The following CNTN6 variants were observed in gnomAD, a reference collection of about 807,000 sequenced individuals.
CNTN6 encodes the protein contactin-6.
In CNTN6, 137 loss-of-function variants were observed where a neutral mutation model predicts 122.8. The observed-to-expected ratio is 1.12, with a 90% CI of 0.97 to 1.29. The LOEUF (loss-of-function observed/expected upper bound fraction) is 1.29, where lower values mean the gene tolerates loss of function less well. Among genes scored for constraint, CNTN6 ranks in the 50% most tolerant of loss-of-function variants. The probability of loss-of-function intolerance (pLI) is 0.00; values close to 1 mark genes in which losing one functional copy is unlikely to be tolerated. For missense variants in CNTN6, 1,634 were observed against 1,223.4 expected, an observed-to-expected ratio of 1.34 and a Z score of -5.01; for synonymous variants, 570 against 426.0, an observed-to-expected ratio of 1.34 and a Z score of -4.16.
intron 5 of CNTN6, among the ~76,000 whole-genome samples, chr3:1,293,901 A>T (rs1178324270): frequency 6.6e-6 from 1 of 152,206 alleles, no homozygotes; most frequent in Non-Finnish European, 1.5e-5. Context: ...GCTTTAATAC[A>T]TATGAATATT....
chr3:1,394,748 T>C (rs184468743), intron 20 of CNTN6, among the ~76,000 whole-genome samples: 3 of 152,326 alleles, frequency 2.0e-5, no homozygotes, highest in Admixed American at 2.0e-4. Context: ...TTTTTTCAGT[T>C]GACCCAATTG....
intron 7 of CNTN6, among the ~76,000 whole-genome samples, chr3:1,303,380 A>G (rs1055967451): frequency 1.3e-5 from 2 of 152,168 alleles, no homozygotes; most frequent in Non-Finnish European, 2.9e-5. Flanking sequence ...AGGAACTTCA[A>G]TAACTAAACT....
At chr3:1,151,999 T>C (rs2092853822) in intron 2 of CNTN6, among the ~76,000 whole-genome samples, 1 of 151,918 alleles carries the variant, frequency 6.6e-6, no homozygotes, top group Admixed American at 6.6e-5. Flanking sequence ...AGAAAAAATA[T>C]GTTAATGAGA....
At chr3:1,110,901 A>G (rs1191207266) in intron 1 of CNTN6, among the ~76,000 whole-genome samples, 3 of 152,164 alleles carry the variant, frequency 2.0e-5, no homozygotes, top group Non-Finnish European at 4.4e-5. Context: ...AAGGGGCAGT[A>G]GTAAAGAACT....
At chr3:1,165,932 T>C (rs1165208500) in intron 2 of CNTN6, among the ~76,000 whole-genome samples, 3 of 152,146 alleles carry the variant, frequency 2.0e-5, no homozygotes, top group African/African-American at 7.2e-5. Context: ...TTCCTTCCCT[T>C]CAAGGGCCAC....
chr3:1,153,080 T>A (rs1321055634), intron 2 of CNTN6, among the ~76,000 whole-genome samples: 1 of 152,224 alleles, frequency 6.6e-6, no homozygotes, highest in African/African-American at 2.4e-5. Flanking sequence ...TATAACCACT[T>A]TTTTGTCATT....
At chr3:1,378,243 C>T (rs373505095) in intron 17 of CNTN6, among the ~76,000 whole-genome samples, 1 of 152,136 alleles carries the variant, frequency 6.6e-6, no homozygotes, top group Non-Finnish European at 1.5e-5. Context: ...CTTCACTCTG[C>T]CACCGTGGGC....
At chr3:1,120,530 T>C (rs943416965) in intron 1 of CNTN6, among the ~76,000 whole-genome samples, 5 of 151,964 alleles carry the variant, frequency 3.3e-5, no homozygotes, top group African/African-American at 1.2e-4. Flanking sequence ...TATTTGCTTC[T>C]TTTTAATATT....
chr3:1,227,801 T>C lies in CNTN6; in HGVS notation c.183-17T>C, dbSNP rs749630989. 4 of 1,606,822 alleles carry C rather than the reference T, an allele frequency of 2.5e-6. No individual in the cohort carries two copies. The South Asian group carries it at 4.4e-5, about 18-fold the overall frequency. ...ACTCTGTATATTATAAGCACTTTAT[T>C]TTTTTTTTCCTTGAAGGTGGAAGCA... is the stretch of plus-strand genomic sequence containing the variant. On this transcript the variant is annotated splice_polypyrimidine_tract_variant and intron_variant, in intron 3 of 22. Transcript: ENST00000446702.
At chr3:1,228,069 T>C in intron 4 of CNTN6, 76 bp downstream of exon 4, 1 of 1,393,130 alleles carries the variant, frequency 7.2e-7, no homozygotes, top group East Asian at 2.3e-5. Flanking sequence ...TTTAAAAATC[T>C]AGCTTTGCCA....
At chr3:1,197,139 G>A (rs1481796868) in intron 2 of CNTN6, among the ~76,000 whole-genome samples, 2 of 152,164 alleles carry the variant, frequency 1.3e-5, no homozygotes, top group African/African-American at 2.4e-5. Flanking sequence ...TTCTCAACCA[G>A]TTGTTTCAGG....
At chr3:1,093,314 T>C (rs1486820028) in intron 1 of CNTN6, among the ~76,000 whole-genome samples, 194 bp downstream of exon 1, 1 of 152,180 alleles carries the variant, frequency 6.6e-6, no homozygotes, top group Non-Finnish European at 1.5e-5. Flanking sequence ...ATTCCTTGTG[T>C]GGGAGAAATG....
At chr3:1,223,021 G>C (rs1006065258) in intron 3 of CNTN6, among the ~76,000 whole-genome samples, 1 of 152,108 alleles carries the variant, frequency 6.6e-6, no homozygotes, top group Non-Finnish European at 1.5e-5. Context: ...CAGATAACGT[G>C]CATTACCAAC....
intron 4 of CNTN6, among the ~76,000 whole-genome samples, chr3:1,251,126 G>C (rs1435232835): frequency 6.6e-6 from 1 of 152,086 alleles, no homozygotes; most frequent in African/African-American, 2.4e-5. Flanking sequence ...TGGTGAATTT[G>C]GTATTCAGTA....
At chr3:1,306,205 A>G (rs1179927226) in intron 7 of CNTN6, among the ~76,000 whole-genome samples, 1 of 152,172 alleles carries the variant, frequency 6.6e-6, no homozygotes, top group Non-Finnish European at 1.5e-5. Context: ...TCCTAGGCAT[A>G]GTTTACCCCA....
At chr3:1,204,148 G>A (rs111376601) in intron 2 of CNTN6, among the ~76,000 whole-genome samples, 37 of 152,260 alleles carry the variant, frequency 2.4e-4, no homozygotes, top group Middle Eastern at 6.8e-3. Context: ...AAATGTTTAT[G>A]TTATTAGTAT....
chr3:1,239,352 G>A (rs969420757), intron 4 of CNTN6, among the ~76,000 whole-genome samples: 3 of 152,050 alleles, frequency 2.0e-5, no homozygotes, highest in Admixed American at 2.0e-4. Context: ...TACACAAATC[G>A]GTAGCTCTGC....
At chr3:1,230,398 G>T (rs1454527388) in intron 4 of CNTN6, among the ~76,000 whole-genome samples, 2 of 152,132 alleles carry the variant, frequency 1.3e-5, no homozygotes, top group Non-Finnish European at 2.9e-5. Flanking sequence ...ATCCATTATG[G>T]ACCCTAGGGA....
At chr3:1,110,238 T>C (rs1054440211) in intron 1 of CNTN6, among the ~76,000 whole-genome samples, 2 of 152,132 alleles carry the variant, frequency 1.3e-5, no homozygotes, top group Non-Finnish European at 2.9e-5. Flanking sequence ...ATTTAGGAAA[T>C]GTAAATAGTC....
Sources: gnomAD v4.1 joint callset for allele counts (sites outside exome capture counted in the v4.1 genomes callset) on GRCh38, gnomAD v4.1.1 for gene constraint, MANE v1.5 for transcripts, NCBI Gene and HGNC (gene_info 2026-07-23, HGNC 2026-07-21) for gene names.